The following SLC35F3 variants were observed in gnomAD, a reference collection of about 807,000 sequenced individuals.
SLC35F3 encodes solute carrier family 35 member F3.
Under a neutral mutation model 49.9 loss-of-function variants are expected in SLC35F3, and 25 were observed. That is an observed-to-expected ratio of 0.50 (90% CI 0.37 to 0.70). The LOEUF is 0.70. Ranked by LOEUF, SLC35F3 falls within the 30% of genes least tolerant of loss-of-function variation. The pLI is 0.00. For synonymous variants in SLC35F3, 275 were observed against 265.4 expected, an observed-to-expected ratio of 1.04 and a Z score of -0.35; for missense variants, 525 against 639.8, an observed-to-expected ratio of 0.82 and a Z score of 1.94.
intron 2 of SLC35F3, among the ~76,000 whole-genome samples, chr1:233,922,605 C>T (rs1662083429): frequency 6.7e-6 from 1 of 149,606 alleles, no homozygotes; most frequent in Non-Finnish European, 1.5e-5. Context: ...GTTGCCTGTT[C>T]ACTCTGATGG....
chr1:234,060,477 C>T (rs962171744), intron 2 of SLC35F3, among the ~76,000 whole-genome samples: 1 of 152,148 alleles, frequency 6.6e-6, no homozygotes, highest in Non-Finnish European at 1.5e-5. Flanking sequence ...GACAGGGTCT[C>T]ACTCTGTCAC....
chr1:233,937,004 T>TA (rs1344939448), intron 2 of SLC35F3, among the ~76,000 whole-genome samples: 1 of 152,204 alleles, frequency 6.6e-6, no homozygotes. Flanking sequence ...TCTGTCTTCT[T>TA]ACAGGCTCTG....
intron 3 of SLC35F3, among the ~76,000 whole-genome samples, chr1:234,275,641 T>C (rs2102977726): frequency 6.6e-6 from 1 of 151,620 alleles, no homozygotes; most frequent in Non-Finnish European, 1.5e-5. Flanking sequence ...ACAACACATA[T>C]CCTGAAACAG....
At position 234,010,678 on chromosome 1, in the gene SLC35F3, T is replaced by A. The variant is rs149240116; in HGVS notation, c.283+104920T>A. On this transcript the variant is annotated intron_variant, in intron 2 of 7. Transcript: ENST00000366618. ...GTCCCCTACTATTATAACATTGCAG[T>A]CTATCTCTTCCTTTAGATCCTTGAA... Among the ~76,000 whole-genome samples the A allele has an allele frequency of 1.5e-3, 225 of 152,276 alleles. 1 individual carries two copies. The highest frequency in any genetic ancestry group is 5.2e-3 in the African/African-American group (217 of 41,568).
At chr1:234,246,867 C>T (rs1324194251) in intron 3 of SLC35F3, among the ~76,000 whole-genome samples, 2 of 152,180 alleles carry the variant, frequency 1.3e-5, no homozygotes, top group African/African-American at 2.4e-5. Flanking sequence ...AATTGGGAGG[C>T]CCTGTCGGCT....
intron 3 of SLC35F3, among the ~76,000 whole-genome samples, chr1:234,273,459 A>G (rs1668143475): frequency 6.6e-6 from 1 of 152,204 alleles, no homozygotes; most frequent in Non-Finnish European, 1.5e-5. Context: ...TGGAGTAGCC[A>G]AGAACTTAGG....
intron 2 of SLC35F3, among the ~76,000 whole-genome samples, chr1:234,136,988 C>A (rs1425209175): frequency 6.6e-6 from 1 of 152,182 alleles, no homozygotes; most frequent in East Asian, 1.9e-4. Context: ...TTTATTGGGG[C>A]CCTACTGGAT....
chr1:234,219,870 T>C (rs1374081510), intron 2 of SLC35F3, among the ~76,000 whole-genome samples: 1 of 152,328 alleles, frequency 6.6e-6, no homozygotes, highest in African/African-American at 2.4e-5. Flanking sequence ...TGCCCTGGGC[T>C]GTCAGAGGTG....
At chr1:233,936,379 A>T (rs1470099884) in intron 2 of SLC35F3, among the ~76,000 whole-genome samples, 1 of 152,182 alleles carries the variant, frequency 6.6e-6, no homozygotes, top group Non-Finnish European at 1.5e-5. Flanking sequence ...TCCTGTCTGT[A>T]TCATAATATC....
At chr1:234,265,169 C>T (rs535214268) in intron 3 of SLC35F3, among the ~76,000 whole-genome samples, 3 of 152,300 alleles carry the variant, frequency 2.0e-5, no homozygotes, top group East Asian at 1.9e-4. Context: ...CTGTTCAACA[C>T]CTGCCCTCGA....
intron 2 of SLC35F3, among the ~76,000 whole-genome samples, chr1:233,912,470 C>T (rs1661894589): frequency 6.6e-6 from 1 of 151,916 alleles, no homozygotes; most frequent in African/African-American, 2.4e-5. Context: ...GAGTGAGACT[C>T]CATCACAAAA....
At position 234,033,048 on chromosome 1, in the gene SLC35F3, T is replaced by A. The variant is rs538499165; in HGVS notation, c.283+127290T>A. 3.3e-5 allele frequency among the ~76,000 whole-genome samples: 5 copies of A among 152,294 alleles called. No homozygotes were observed. The East Asian group carries it at 9.6e-4, about 29-fold the overall frequency. ...ATCTTTTTTTTTTTAATTATGGCCA[T>A]TCTTGCAGGAGTAAGATGATATCCC... On this transcript the variant is annotated intron_variant, in intron 2 of 7. Coordinates refer to ENST00000366618, the MANE Select transcript of SLC35F3 (RefSeq NM_173508.4).
intron 2 of SLC35F3, among the ~76,000 whole-genome samples, chr1:234,112,469 A>C (rs58509960): frequency 0.14 from 21,083 of 151,654 alleles, 3,189 homozygotes; most frequent in East Asian, 0.81. Flanking sequence ...TCTACCCCGT[A>C]TTTCCAAAAG....
At chr1:234,144,903 T>A (rs1446089295) in intron 2 of SLC35F3, among the ~76,000 whole-genome samples, 2 of 152,172 alleles carry the variant, frequency 1.3e-5, no homozygotes, top group Non-Finnish European at 2.9e-5. Flanking sequence ...ATACGTGGTG[T>A]GGGAGCAGGG....
chr1:234,253,814 G>C (rs915538226), intron 3 of SLC35F3, among the ~76,000 whole-genome samples: 24 of 152,196 alleles, frequency 1.6e-4, no homozygotes, highest in African/African-American at 5.5e-4. Context: ...AATAAGCCTT[G>C]AACAATGTCA....
chr1:234,292,887 T>A (rs1447230381), intron 3 of SLC35F3, among the ~76,000 whole-genome samples: 2 of 152,230 alleles, frequency 1.3e-5, no homozygotes, highest in Non-Finnish European at 2.9e-5. Context: ...ATTTTCAAGT[T>A]ATCAGGATTT....
intron 2 of SLC35F3, among the ~76,000 whole-genome samples, chr1:234,157,865 T>C (rs184915753): frequency 9.3e-4 from 142 of 152,358 alleles, no homozygotes; most frequent in Non-Finnish European, 1.6e-3. Context: ...AACAGGAAAG[T>C]ATTTCAGGAG....
intron 3 of SLC35F3, among the ~76,000 whole-genome samples, chr1:234,233,618 G>T (rs188563854): frequency 1.8e-3 from 281 of 152,330 alleles, no homozygotes; most frequent in African/African-American, 6.4e-3. Context: ...AAAATGGAAG[G>T]TCATTGAAGA....
chr1:234,040,455 G>A (rs1220343869), intron 2 of SLC35F3, among the ~76,000 whole-genome samples: 1 of 152,196 alleles, frequency 6.6e-6, no homozygotes, highest in Non-Finnish European at 1.5e-5. Flanking sequence ...TTGAAGGCCG[G>A]GCTTCACCAG....
Sources: allele counts gnomAD v4.1 joint callset (sites outside exome capture counted in the v4.1 genomes callset), GRCh38; gene constraint gnomAD v4.1.1; transcripts MANE v1.5; gene names NCBI Gene and HGNC (gene_info 2026-07-23, HGNC 2026-07-21).